MBP: variants seen among roughly 807,000 people sequenced by gnomAD.
MBP encodes the protein Golli-MBP.
A neutral mutation model predicts 35.8 loss-of-function variants in MBP; 16 were observed. The observed-to-expected ratio is 0.45, with a 90% CI of 0.30 to 0.68. MBP has a LOEUF of 0.68. MBP is among the 30% of genes least tolerant of loss of function. MBP has a pLI of 0.08. For missense variants in MBP, 380 were observed against 404.7 expected (o/e 0.94, Z 0.52); for synonymous variants, 143 against 159.6 (o/e 0.90, Z 0.78).
chr18:77,057,989 G>C (rs1973810937), intron 3 of MBP, among the ~76,000 whole-genome samples: 1 of 66,854 alleles, frequency 1.5e-5, no homozygotes, highest in Admixed American at 1.4e-4. Flanking sequence ...ACTACGCCCG[G>C]CTAATTTTTT....
chr18:77,082,059 A>G (rs948442345), intron 2 of MBP, among the ~76,000 whole-genome samples: 22 of 151,172 alleles, frequency 1.5e-4, no homozygotes, highest in East Asian at 5.9e-4. Flanking sequence ...TCACTGTGTT[A>G]GCCGGGATGG....
intron 3 of MBP, among the ~76,000 whole-genome samples, chr18:77,063,762 T>C (rs2144786538): frequency 6.6e-6 from 1 of 152,288 alleles, no homozygotes; most frequent in African/African-American, 2.4e-5. Flanking sequence ...TCAGTATCTC[T>C]TGGAAAAGAT....
chr18:77,028,173 T>G (rs1972303512), intron 3 of MBP, among the ~76,000 whole-genome samples: 1 of 144,262 alleles, frequency 6.9e-6, no homozygotes, highest in Non-Finnish European at 1.5e-5. Context: ...GTACTTAAGA[T>G]TAGGGAGTGG....
intron 8 of MBP, chr18:76,983,003 T>C (rs470823): frequency 0.69 from 104,316 of 152,212 alleles, 35,850 homozygotes; most frequent in African/African-American, 0.73. Context: ...TTGCACACAG[T>C]AAATGTGCAG....
At chr18:77,080,146 TG>T (rs1168934272) in intron 2 of MBP, among the ~76,000 whole-genome samples, 1 of 152,246 alleles carries the variant, frequency 6.6e-6, no homozygotes, top group Non-Finnish European at 1.5e-5. Context: ...CAGCATTTTT[TG>T]TTTCTTTAAA....
chr18:77,046,924 T>C (rs113787717), intron 3 of MBP, among the ~76,000 whole-genome samples: 2,724 of 152,350 alleles, frequency 0.018, 88 homozygotes, highest in African/African-American at 0.062. Context: ...GAATCTCTGA[T>C]GCCAGGAAAC....
Position 77,017,062 on chromosome 18 carries a change from C to G in MBP, c.346G>C (p.Glu116Gln), listed in dbSNP as rs146853051. 21 of 1,612,720 alleles carry G rather than the reference C, an allele frequency of 1.3e-5. No individual in the cohort carries two copies. In the East Asian group the frequency reaches 4.5e-4, roughly 34 times the overall value. ...TFKDRPSESDELQTIQEDSAA... is the reference protein window; with the variant it reads ...TFKDRPSESDQLQTIQEDSAA... ...CTGTCTTCTTGGATGGTCTGGAGCT[C>G]GTCGGACTCAGAGGGCCTGTCTTTG... Residue 116 changes from glutamate (E) to glutamine (Q), a missense_variant, in exon 4 of 9, where the codon GAG becomes CAG. Glu to Gln is a conservative substitution (Grantham distance 29). Coordinates refer to ENST00000355994, the MANE Select transcript of MBP (RefSeq NM_001025101.2).
At chr18:76,990,268 G>C (rs1472194741) in intron 4 of MBP, among the ~76,000 whole-genome samples, 1 of 152,018 alleles carries the variant, frequency 6.6e-6, no homozygotes, top group Non-Finnish European at 1.5e-5. Flanking sequence ...CGAACAGTAA[G>C]AACAAGTGGA....
intron 2 of MBP, among the ~76,000 whole-genome samples, chr18:77,066,904 A>T (rs1320894049): frequency 6.6e-6 from 1 of 152,206 alleles, no homozygotes; most frequent in Non-Finnish European, 1.5e-5. Flanking sequence ...TTGTGGTGTT[A>T]TGGGGTGGGC....
At chr18:77,052,234 CA>C (rs1973517879) in intron 3 of MBP, among the ~76,000 whole-genome samples, 1 of 152,214 alleles carries the variant, frequency 6.6e-6, no homozygotes, top group Non-Finnish European at 1.5e-5. Context: ...GGTGAAATCA[CA>C]AATGTGAACT....
At chr18:77,012,822 T>TAA (rs1971427452) in intron 4 of MBP, 1 of 985,232 alleles carries the variant, frequency 1.0e-6, no homozygotes, top group African/African-American at 1.7e-5. Flanking sequence ...AATGAATGCA[T>TAA]AAAAAGGCAG....
intron 3 of MBP, among the ~76,000 whole-genome samples, chr18:77,050,918 C>G (rs470367): frequency 6.6e-6 from 1 of 152,088 alleles, no homozygotes; most frequent in Admixed American, 6.5e-5. Flanking sequence ...TCATCCTACC[C>G]GGGGCAAATT....
At chr18:76,986,285 C>G in intron 7 of MBP, 1 of 985,582 alleles carries the variant, frequency 1.0e-6, no homozygotes, top group Non-Finnish European at 1.2e-6. Context: ...GGAACCAAAC[C>G]AGACTGTCCC....
chr18:76,995,211 T>G (rs982994616), intron 4 of MBP, among the ~76,000 whole-genome samples: 1 of 152,182 alleles, frequency 6.6e-6, no homozygotes, highest in African/African-American at 2.4e-5. Context: ...TAGAGAGACA[T>G]ACTATGTTCA....
chr18:77,106,114 A>G (rs1976267727), intron 1 of MBP, among the ~76,000 whole-genome samples: 1 of 152,176 alleles, frequency 6.6e-6, no homozygotes, highest in Non-Finnish European at 1.5e-5. Context: ...TCCATGATGG[A>G]TGTATTCTTT....
chr18:77,082,210 AG>A (rs1974979568), intron 2 of MBP, among the ~76,000 whole-genome samples: 1 of 152,214 alleles, frequency 6.6e-6, no homozygotes, highest in African/African-American at 2.4e-5. Context: ...TCCATCAACT[AG>A]TCAATGAATA....
chr18:77,051,029 T>C (rs1463425194), intron 3 of MBP, among the ~76,000 whole-genome samples: 1 of 152,096 alleles, frequency 6.6e-6, no homozygotes, highest in East Asian at 1.9e-4. Flanking sequence ...AAATGGAACA[T>C]GAAGACATAA....
chr18:77,115,174 C>T (rs1489288357), intron 1 of MBP: 1 of 152,246 alleles, frequency 6.6e-6, no homozygotes. Context: ...CCACCATCCA[C>T]AGGGTCAACA....
chr18:77,052,639 T>A (rs747327069), intron 3 of MBP, among the ~76,000 whole-genome samples: 1 of 152,214 alleles, frequency 6.6e-6, no homozygotes, highest in African/African-American at 2.4e-5. Flanking sequence ...TATGAGTGTT[T>A]GTGCTCACTG....
Sources: allele counts gnomAD v4.1 joint callset (sites outside exome capture counted in the v4.1 genomes callset), GRCh38; gene constraint gnomAD v4.1.1; transcripts MANE v1.5; gene names NCBI Gene and HGNC (gene_info 2026-07-23, HGNC 2026-07-21).